Variants in PCM1 observed in about 807,000 individuals in gnomAD.
The protein encoded by PCM1 is pericentriolar material 1 protein.
A neutral mutation model predicts 241.9 loss-of-function variants in PCM1; 157 were observed. That is an observed-to-expected ratio of 0.65 (90% CI 0.57 to 0.74). The LOEUF (loss-of-function observed/expected upper bound fraction) is 0.74, where lower values mean the gene tolerates loss of function less well. PCM1 is among the 30% of genes least tolerant of loss of function. PCM1 has a pLI of 0.00. For synonymous variants in PCM1, 1,085 were observed against 784.9 expected (o/e 1.38, Z -6.39); for missense variants, 3,478 against 2,360.1 (o/e 1.47, Z -9.81).
chr8:17,939,695 TA>T lies in PCM1; in HGVS notation c.619del (p.Ser207AlafsTer21). 6.6e-7 allele frequency: 1 copy of T among 1,513,550 alleles called. No individual in the cohort carries two copies. Among genetic ancestry groups the T allele is most frequent in the Non-Finnish European group, 8.9e-7 (1 of 1,127,856 alleles). 93.8% of individuals were successfully genotyped at this position (1,513,550 alleles called of 1,614,324 possible). On this transcript the variant is annotated frameshift_variant, in exon 6 of 39. Coordinates refer to ENST00000325083, the MANE Select transcript of PCM1 (RefSeq NM_006197.4). LOFTEE classifies it high-confidence loss of function. The stretch of plus-strand genomic sequence containing the variant: ...AAAAAAATATTTCCCCTGCAGATTG[TA>T]AGCAGGCTTGTTCAAATTCGCGATT... ...GEPAMESSQIVSRLVQIRDYI... is the reference protein window; with the variant it reads ...GEPAMESSQIXSRLVQIRDYI...
At chr8:17,933,471 G>C (rs1026772497) in intron 2 of PCM1, among the ~76,000 whole-genome samples, 5 of 152,076 alleles carry the variant, frequency 3.3e-5, no homozygotes, top group Admixed American at 1.3e-4. Context: ...GAATCCCAGT[G>C]GGATCTTAAC....
intron 26 of PCM1, among the ~76,000 whole-genome samples, chr8:17,987,724 T>C (rs1005067282): frequency 7.2e-5 from 11 of 151,900 alleles, no homozygotes; most frequent in African/African-American, 2.7e-4. Context: ...CCAGTGTTGA[T>C]ACTCACAGAT....
intron 2 of PCM1, chr8:17,927,561 C>A (rs1380682189): frequency 6.6e-6 from 1 of 151,646 alleles, no homozygotes; most frequent in African/African-American, 2.4e-5. Flanking sequence ...ACGGGATGTT[C>A]TTTTTTTTGG....
intron 36 of PCM1, among the ~76,000 whole-genome samples, chr8:18,017,095 A>C (rs2237848): frequency 0.66 from 100,518 of 152,006 alleles, 34,023 homozygotes; most frequent in Non-Finnish European, 0.74. Context: ...GAGTATTGCC[A>C]ACCCTTTAAG....
intron 25 of PCM1, 53 bp downstream of exon 25, chr8:17,985,672 T>C: frequency 2.3e-6 from 3 of 1,329,296 alleles, no homozygotes; most frequent in Non-Finnish European, 1.1e-6. Context: ...TTCTTCATGA[T>C]TATCTCTGGT....
At chr8:17,998,282 T>C (rs144761821) in intron 29 of PCM1, among the ~76,000 whole-genome samples, 12 of 152,248 alleles carry the variant, frequency 7.9e-5, no homozygotes, top group African/African-American at 2.9e-4. Flanking sequence ...TGAAGAGTTA[T>C]ATATAGGCCT....
rs1447067368 is a variant in PCM1, at chr8:17,940,091, G to T, written c.783+230G>T. 5.1e-6 allele frequency: 8 copies of T among 1,581,426 alleles called. No individual in the cohort carries two copies. In the African/African-American group the frequency reaches 1.1e-4, roughly 21 times the overall value. ...GTTCGGACTATAGATTCAGCTGTGG[G>T]ATCTGGTTCTGTAGCTGAGAGCACA... On this transcript the variant is annotated intron_variant, in intron 6 of 38. Transcript: ENST00000325083.
intron 11 of PCM1, 77 bp downstream of exon 11, chr8:17,956,854 T>A: frequency 1.3e-5 from 15 of 1,122,100 alleles, no homozygotes; most frequent in Non-Finnish European, 1.8e-5. Flanking sequence ...CAAAAATACT[T>A]CGTTGTAGTA....
In PCM1 at chr8:18,027,676, G is replaced by C; in HGVS notation, c.*14G>C. The C allele has an allele frequency of 6.3e-7, 1 of 1,575,252 alleles. No individual in the cohort carries two copies. The highest frequency in any genetic ancestry group is 8.7e-7 in the Non-Finnish European group (1 of 1,150,700). On this transcript the variant is annotated 3_prime_UTR_variant, in exon 39 of 39. Transcript: ENST00000325083. ...CAGAGTATATGAGATGTCTTCAGAG[G>C]CTCATCTAACTCTGTCCTTACATAC... is the stretch of plus-strand genomic sequence containing the variant.
At position 17,964,645 on chromosome 8, in the gene PCM1, G is replaced by T. The variant is rs769240575; in HGVS notation, c.2732G>T (p.Gly911Val). The T allele has an allele frequency of 2.5e-6, 4 of 1,613,790 alleles. No individual in the cohort carries two copies. The African/African-American group carries it at 5.3e-5, about 22-fold the overall frequency. The change falls in exon 18 of 39, where the codon GGA (glycine) becomes GTA (valine). Residue 911 changes from glycine to valine, a missense_variant. By Grantham distance (109) the Gly-to-Val change is moderately radical. Transcript: ENST00000325083. The stretch of plus-strand genomic sequence containing the variant: ...GATGAAGACGGTTACCTTTCTGAAG[G>T]AATTGTTCGGACAGATGAAGAGGAG... ...EGDEDGYLSE[G>V]IVRTDEEEEE...
intron 29 of PCM1, among the ~76,000 whole-genome samples, chr8:17,997,444 C>T (rs1251747029): frequency 1.3e-5 from 2 of 152,200 alleles, no homozygotes; most frequent in South Asian, 2.1e-4. Context: ...CTACCTCTGT[C>T]TCTCTCTACC....
chr8:18,013,316 G>A (rs942185183), intron 34 of PCM1, among the ~76,000 whole-genome samples: 2 of 152,122 alleles, frequency 1.3e-5, no homozygotes, highest in Non-Finnish European at 2.9e-5. Flanking sequence ...ATTTTCAATA[G>A]CAAAACCCAC....
At chr8:17,935,259 G>A (rs1428417347) in intron 2 of PCM1, among the ~76,000 whole-genome samples, 3 of 152,336 alleles carry the variant, frequency 2.0e-5, no homozygotes, top group African/African-American at 7.2e-5. Flanking sequence ...TCTGGGTCTA[G>A]CTGTTTATGA....
chr8:17,984,572 A>G (rs543680564), intron 24 of PCM1, among the ~76,000 whole-genome samples: 4 of 152,092 alleles, frequency 2.6e-5, no homozygotes, highest in Admixed American at 6.5e-5. Context: ...TGAAGATATT[A>G]AATTATTAGC....
intron 6 of PCM1, among the ~76,000 whole-genome samples, chr8:17,943,707 C>G (rs1421059863): frequency 1.3e-5 from 2 of 152,096 alleles, no homozygotes; most frequent in Non-Finnish European, 2.9e-5. Context: ...TTTGTAAAAA[C>G]ATTTTAATTT....
chr8:18,014,534 T>G (rs1253590461), intron 35 of PCM1, 50 bp from the exon 36 acceptor site: 2 of 1,464,224 alleles, frequency 1.4e-6, no homozygotes, highest in South Asian at 1.4e-5. Context: ...AATAGTAAAA[T>G]TTAACATTTT....
At chr8:17,975,709 T>C (rs1316178728) in intron 23 of PCM1, among the ~76,000 whole-genome samples, 1 of 152,206 alleles carries the variant, frequency 6.6e-6, no homozygotes, top group African/African-American at 2.4e-5. Flanking sequence ...ATGTGTTTTT[T>C]GTGCATGTTG....
rs1453471344 is a variant in PCM1, at chr8:17,998,104, C to T, written c.4827+4485C>T. Among the ~76,000 whole-genome samples the T allele has an allele frequency of 4.6e-5, 7 of 151,896 alleles. No individual in the cohort carries two copies. In the East Asian group the frequency reaches 1.4e-3, roughly 29 times the overall value. On this transcript the variant is annotated intron_variant, in intron 29 of 38. Coordinates refer to ENST00000325083, the MANE Select transcript of PCM1 (RefSeq NM_006197.4). ...TGAATTTGTTTGAGTTTCCTCAAGA[C>T]AGCTATTTTGAATTCTCTGTCTGAA...
At chr8:17,970,533 C>T (rs1472599476) in intron 22 of PCM1, among the ~76,000 whole-genome samples, 1 of 150,984 alleles carries the variant, frequency 6.6e-6, no homozygotes, top group Non-Finnish European at 1.5e-5. Flanking sequence ...TTGTTGACTC[C>T]TTTTTTTTGG....
Sources: gnomAD v4.1 joint callset for allele counts (sites outside exome capture counted in the v4.1 genomes callset) on GRCh38, gnomAD v4.1.1 for gene constraint, MANE v1.5 for transcripts, NCBI Gene and HGNC (gene_info 2026-07-23, HGNC 2026-07-21) for gene names.